The following WWOX variants were observed in gnomAD, a reference collection of about 807,000 sequenced individuals.
WWOX encodes the protein WW domain-containing oxidoreductase.
Under a neutral mutation model 46.2 loss-of-function variants are expected in WWOX, and 69 were observed. The observed-to-expected ratio is 1.49, with a 90% CI of 1.23 to 1.82. The LOEUF (loss-of-function observed/expected upper bound fraction) is 1.82. Among genes scored for constraint, WWOX ranks in the 40% most tolerant of loss-of-function variants. The pLI, the probability that WWOX is intolerant of heterozygous loss-of-function variation, is 0.00. For missense variants in WWOX, 919 were observed against 542.6 expected (o/e 1.69, Z -6.89); for synonymous variants, 359 against 202.6 (o/e 1.77, Z -6.56).
chr16:78,821,299 C>T (rs1433693560), intron 8 of WWOX, among the ~76,000 whole-genome samples: 3 of 152,156 alleles, frequency 2.0e-5, no homozygotes, highest in Non-Finnish European at 4.4e-5. Flanking sequence ...CCCCAGGTTA[C>T]ACAGCTAGTT....
At chr16:78,893,317 TACC>T (rs1451462909) in intron 8 of WWOX, among the ~76,000 whole-genome samples, 7 of 152,118 alleles carry the variant, frequency 4.6e-5, no homozygotes, top group African/African-American at 1.7e-4. Context: ...CCTCGAAAAA[TACC>T]AGTCCTTTCG....
At chr16:78,126,487 C>T (rs914336221) in intron 4 of WWOX, among the ~76,000 whole-genome samples, 7 of 152,132 alleles carry the variant, frequency 4.6e-5, no homozygotes, top group East Asian at 1.9e-4. Flanking sequence ...TGTTTTTTAA[C>T]GAATTGCCCT....
rs528652375 is a variant in WWOX, at chr16:79,175,015, C to T, written c.1057-36593C>T. Among the ~76,000 whole-genome samples the T allele has an allele frequency of 3.9e-5, 6 of 152,288 alleles. No homozygotes were observed. The South Asian group carries it at 1.2e-3, about 32-fold the overall frequency. ...CGTTCTCTCCCTCAGCATACCGTGT[C>T]TTATTAACTTCTAACCTCCCTCTCA... is the stretch of plus-strand genomic sequence containing the variant. On this transcript the variant is annotated intron_variant, in intron 8 of 8. Coordinates refer to ENST00000566780, the MANE Select transcript of WWOX (RefSeq NM_016373.4).
chr16:78,786,933 G>T (rs1451006562), intron 8 of WWOX, among the ~76,000 whole-genome samples: 1 of 152,142 alleles, frequency 6.6e-6, no homozygotes, highest in Non-Finnish European at 1.5e-5. Context: ...GGATCACTTG[G>T]GGTGAAGAGT....
At chr16:79,179,672 C>T (rs953980943) in intron 8 of WWOX, among the ~76,000 whole-genome samples, 12 of 152,224 alleles carry the variant, frequency 7.9e-5, no homozygotes, top group African/African-American at 2.9e-4. Flanking sequence ...AAATCTATTA[C>T]CTGATCTTTC....
chr16:78,735,838 A>T (rs2049078966), intron 8 of WWOX, among the ~76,000 whole-genome samples: 1 of 152,198 alleles, frequency 6.6e-6, no homozygotes, highest in Admixed American at 6.5e-5. Flanking sequence ...GGGATGCTCC[A>T]CACCTTTCTG....
At chr16:78,543,314 G>C (rs1297722552) in intron 8 of WWOX, among the ~76,000 whole-genome samples, 1 of 152,158 alleles carries the variant, frequency 6.6e-6, no homozygotes, top group Non-Finnish European at 1.5e-5. Flanking sequence ...GCCCTGAAGA[G>C]GGTGGGAATG....
intron 8 of WWOX, among the ~76,000 whole-genome samples, chr16:79,025,089 A>G (rs1471218665): frequency 1.3e-5 from 2 of 151,314 alleles, no homozygotes; most frequent in Non-Finnish European, 1.5e-5. Context: ...TCCACTCCCA[A>G]GAGCAGTGAA....
chr16:78,592,087 T>G (rs1481618396), intron 8 of WWOX, among the ~76,000 whole-genome samples: 1 of 152,206 alleles, frequency 6.6e-6, no homozygotes, highest in African/African-American at 2.4e-5. Flanking sequence ...GATATTCACC[T>G]CAGCTGCAGT....
intron 8 of WWOX, among the ~76,000 whole-genome samples, chr16:78,767,868 A>T (rs576488830): frequency 6.6e-6 from 1 of 152,278 alleles, no homozygotes; most frequent in South Asian, 2.1e-4. Flanking sequence ...AGAAAGTAAC[A>T]TCCATTTTTG....
intron 5 of WWOX, among the ~76,000 whole-genome samples, chr16:78,252,515 A>G (rs1045846747): frequency 3.9e-5 from 6 of 152,242 alleles, no homozygotes; most frequent in Admixed American, 2.0e-4. Context: ...CCAAACAAGT[A>G]CACTAGCAAA....
At chr16:78,668,484 C>T (rs747512489) in intron 8 of WWOX, among the ~76,000 whole-genome samples, 1 of 152,148 alleles carries the variant, frequency 6.6e-6, no homozygotes, top group Non-Finnish European at 1.5e-5. Flanking sequence ...TATATTCTTA[C>T]TCTGGGCTAG....
intron 8 of WWOX, among the ~76,000 whole-genome samples, chr16:78,614,010 C>G (rs2045960657): frequency 6.6e-6 from 1 of 152,206 alleles, no homozygotes; most frequent in South Asian, 2.1e-4. Context: ...TGACAGTAAC[C>G]ATATGCCCAC....
At chr16:79,207,970 G>A (rs148957779) in intron 8 of WWOX, among the ~76,000 whole-genome samples, 12 of 152,234 alleles carry the variant, frequency 7.9e-5, no homozygotes, top group African/African-American at 2.9e-4. Context: ...TTGGAAGGAT[G>A]GATAATTTAG....
At chr16:78,527,991 C>CTTTTTTTTTTTGTTTTTTTTTTT (rs2043519331) in intron 8 of WWOX, among the ~76,000 whole-genome samples, 2 of 34,880 alleles carry the variant, frequency 5.7e-5, no homozygotes, top group East Asian at 9.8e-4. Flanking sequence ...GGTACATGTC[C>CTTTTTTTTTTTGTTTTTTTTTTT]TTTTTTTTTT....
At chr16:79,111,257 G>A (rs1430855464) in intron 8 of WWOX, among the ~76,000 whole-genome samples, 5 of 152,236 alleles carry the variant, frequency 3.3e-5, no homozygotes. Flanking sequence ...TGAGACCCGG[G>A]ACACAGGTGA....
At chr16:78,739,433 T>C (rs2049164283) in intron 8 of WWOX, among the ~76,000 whole-genome samples, 1 of 152,136 alleles carries the variant, frequency 6.6e-6, no homozygotes, top group African/African-American at 2.4e-5. Context: ...ACTACACATC[T>C]TCGGTTCCTC....
intron 8 of WWOX, among the ~76,000 whole-genome samples, chr16:78,903,876 T>G (rs977987384): frequency 1.3e-5 from 2 of 152,218 alleles, no homozygotes; most frequent in Non-Finnish European, 2.9e-5. Flanking sequence ...GGCAGGGGAC[T>G]GTTGTTATTC....
At chr16:79,210,618 A>C (rs1342168852) in intron 8 of WWOX, among the ~76,000 whole-genome samples, 1 of 152,190 alleles carries the variant, frequency 6.6e-6, no homozygotes, top group East Asian at 1.9e-4. Context: ...GCTCTGAAAC[A>C]CATAAATAAT....
Sources: gnomAD v4.1 joint callset for allele counts (sites outside exome capture counted in the v4.1 genomes callset) on GRCh38, gnomAD v4.1.1 for gene constraint, MANE v1.5 for transcripts, NCBI Gene and HGNC (gene_info 2026-07-23, HGNC 2026-07-21) for gene names.